GALNT8: variants seen among roughly 807,000 people sequenced by gnomAD.
The protein encoded by GALNT8 is probable polypeptide N-acetylgalactosaminyltransferase 8.
Under a neutral mutation model 62.7 loss-of-function variants are expected in GALNT8, and 66 were observed. The ratio of observed to expected loss-of-function variants is 1.05; its 90% CI spans 0.86 to 1.29. The LOEUF (loss-of-function observed/expected upper bound fraction) is 1.29. Ranked by LOEUF, GALNT8 falls within the 50% of genes most tolerant of loss-of-function variation. The probability of loss-of-function intolerance (pLI) is 0.00; values close to 1 mark genes in which losing one functional copy is unlikely to be tolerated. For synonymous variants in GALNT8, 288 were observed against 294.3 expected (o/e 0.98, Z 0.22); for missense variants, 771 against 791.8 (o/e 0.97, Z 0.32).
intron 2 of GALNT8, among the ~76,000 whole-genome samples, chr12:4,734,430 G>A (rs956008630): frequency 2.6e-5 from 4 of 152,140 alleles, no homozygotes; most frequent in East Asian, 1.9e-4. Context: ...ATTTGTGTGC[G>A]GGTATTGCTA....
At chr12:4,734,224 CAA>C (rs1162806041) in intron 2 of GALNT8, among the ~76,000 whole-genome samples, 1 of 152,148 alleles carries the variant, frequency 6.6e-6, no homozygotes, top group African/African-American at 2.4e-5. Flanking sequence ...AAGAGAAGCA[CAA>C]AAAGATCATG....
At chr12:4,750,147 A>C (rs914149441) in intron 6 of GALNT8, among the ~76,000 whole-genome samples, 4 of 151,546 alleles carry the variant, frequency 2.6e-5, no homozygotes, top group Non-Finnish European at 4.4e-5. Context: ...TTTCAATTTC[A>C]TTTATTTCTA....
At chr12:4,758,664 GAGAGAGAGAGAGAT>G (rs1946357691) in intron 6 of GALNT8, among the ~76,000 whole-genome samples, 6 of 151,512 alleles carry the variant, frequency 4.0e-5, no homozygotes, top group Admixed American at 6.6e-5. Context: ...GAGAGAGAGA[GAGAGAGAGAGAGAT>G]GATGGAAGGA....
Position 4,763,262 on chromosome 12 carries a change from A to G in GALNT8, c.1369A>G (p.Ile457Val), listed in dbSNP as rs766873811. Residue 457 changes from isoleucine to valine, a missense_variant, in exon 8 of 11, where the codon ATA becomes GTA. Ile to Val is a conservative substitution (Grantham distance 29). Transcript: ENST00000252318. ...GGCGTTTTATTTACAGAACTCTGGA[A>G]TAGATTTTGGAGACGTTTCTTCCAG... ...AWNIPLQNSG[I>V]DFGDVSSRMA... 1 of 1,612,678 alleles carries G rather than the reference A, an allele frequency of 6.2e-7. No individual in the cohort carries two copies. Among genetic ancestry groups the G allele is most frequent in the Non-Finnish European group, 8.5e-7 (1 of 1,178,708 alleles).
At chr12:4,738,193 A>C (rs1946254550) in intron 2 of GALNT8, among the ~76,000 whole-genome samples, 1 of 152,228 alleles carries the variant, frequency 6.6e-6, no homozygotes, top group Non-Finnish European at 1.5e-5. Flanking sequence ...CTCTTCAACA[A>C]ATGGGTGCTG....
chr12:4,760,411 GTA>G (rs1946366099), intron 6 of GALNT8, among the ~76,000 whole-genome samples: 1 of 152,184 alleles, frequency 6.6e-6, no homozygotes, highest in Non-Finnish European at 1.5e-5. Context: ...CTTATGCAGT[GTA>G]TTCATGATCC....
At position 4,726,685 on chromosome 12, in the gene GALNT8, C is replaced by T; in HGVS notation, c.365C>T (p.Ser122Leu). 2 of 1,614,096 alleles carry T rather than the reference C, an allele frequency of 1.2e-6. No individual in the cohort carries two copies. Among genetic ancestry groups the T allele is most frequent in the Non-Finnish European group, 1.7e-6 (2 of 1,180,014 alleles). ...ACCCAAATGAAACTCTTCCCACACTCACAGCTTTTCAGGCAATGGGGCGAG... is the reference window on the plus strand; with the variant it reads ...ACCCAAATGAAACTCTTCCCACACTTACAGCTTTTCAGGCAATGGGGCGAG... ...HKTQMKLFPH[S>L]QLFRQWGEDL... The change falls in exon 2 of 11, where the codon TCA becomes TTA. Residue 122 changes from serine to leucine, a missense_variant. By Grantham distance (145) the Ser-to-Leu change is moderately radical. Transcript: ENST00000252318. This position sits in a 1 kb window ranked among gnomAD's most constrained non-coding sequence, Gnocchi z 4.1.
At chr12:4,724,638 T>C (rs1372600754) in intron 1 of GALNT8, among the ~76,000 whole-genome samples, 1 of 152,242 alleles carries the variant, frequency 6.6e-6, no homozygotes, top group African/African-American at 2.4e-5. Context: ...CAGTATGCTC[T>C]CACTTCTTTT....
intron 2 of GALNT8, among the ~76,000 whole-genome samples, chr12:4,733,982 T>A (rs1247922531): frequency 6.6e-6 from 1 of 152,230 alleles, no homozygotes; most frequent in Non-Finnish European, 1.5e-5. Context: ...GCTCAGTGAA[T>A]GTTGCCATTG....
chr12:4,755,095 C>G (rs1006664812), intron 6 of GALNT8, among the ~76,000 whole-genome samples: 1 of 152,142 alleles, frequency 6.6e-6, no homozygotes, highest in Non-Finnish European at 1.5e-5. Context: ...CCTTAGTGGC[C>G]CCAATTGATA....
Position 4,730,866 on chromosome 12 carries a change from C to CTT in GALNT8, c.509+4052_509+4053dup, listed in dbSNP as rs1163742469. ...CTGAACCTGAGATGATTTTTCTTTT[C>CTT]TTTTTTTTTTTTTTTTGAGACGGAG... On this transcript the variant is annotated intron_variant, in intron 2 of 10. Transcript: ENST00000252318. 8.2e-4 allele frequency among the ~76,000 whole-genome samples: 112 copies of CTT among 137,274 alleles called. 2 individuals carry two copies. Among genetic ancestry groups the CTT allele is most frequent in the African/African-American group, 2.0e-3 (77 of 37,606 alleles). The allele number at this position is 137,274 out of a possible 152,430, so 90.1% of individuals were successfully genotyped here.
At chr12:4,725,635 A>G (rs1369025016) in intron 1 of GALNT8, among the ~76,000 whole-genome samples, 1 of 144,582 alleles carries the variant, frequency 6.9e-6, no homozygotes, top group Admixed American at 7.3e-5. Flanking sequence ...GGCTCACTGC[A>G]ACCTCCACCT....
chr12:4,723,168 A>G (rs1946178706), intron 1 of GALNT8, among the ~76,000 whole-genome samples: 1 of 152,182 alleles, frequency 6.6e-6, no homozygotes, highest in African/African-American at 2.4e-5. Context: ...ACTCATTTCT[A>G]TTCATACATC....
intron 7 of GALNT8, 113 bp from the exon 8 acceptor site, chr12:4,763,140 G>A: frequency 1.2e-5 from 10 of 835,252 alleles, no homozygotes; most frequent in Admixed American, 8.4e-5. Context: ...GTTGCAGTCC[G>A]TCCACAAGGA....
At position 4,745,529 on chromosome 12, in the gene GALNT8, G is replaced by A. The variant is rs141673328; in HGVS notation, c.961G>A (p.Glu321Lys). ...TGACACCTTCAAACTGGATAAGTAT[G>A]AACTGGCAGTTGATGGGTTTAACTG... is the stretch of plus-strand genomic sequence containing the variant. Reference protein sequence around the residue: ...RFDTFKLDKYELAVDGFNWEL... With the variant: ...RFDTFKLDKYKLAVDGFNWEL... Residue 321 changes from glutamate to lysine, a missense_variant, in exon 5 of 11, where the codon GAA becomes AAA. Physicochemically the swap from Glu to Lys is moderately conservative, Grantham distance 56 (BLOSUM62 1). Coordinates refer to ENST00000252318, the MANE Select transcript of GALNT8 (RefSeq NM_017417.2). 1.9e-6 allele frequency: 3 copies of A among 1,612,852 alleles called. No individual in the cohort carries two copies. Among genetic ancestry groups the A allele is most frequent in the African/African-American group, 2.7e-5 (2 of 74,908 alleles).
chr12:4,756,438 A>G (rs1479437100), intron 6 of GALNT8, among the ~76,000 whole-genome samples: 1 of 152,228 alleles, frequency 6.6e-6, no homozygotes, highest in Non-Finnish European at 1.5e-5. Flanking sequence ...CATATGGTTT[A>G]CACTCAATAA....
intron 7 of GALNT8, among the ~76,000 whole-genome samples, chr12:4,761,998 C>A (rs1018822606): frequency 6.6e-6 from 1 of 152,226 alleles, no homozygotes; most frequent in Non-Finnish European, 1.5e-5. Context: ...GCCAGGTTAA[C>A]ACTGGGATCA....
chr12:4,764,704 CG>C (rs886325316), intron 9 of GALNT8, among the ~76,000 whole-genome samples: 3 of 150,612 alleles, frequency 2.0e-5, no homozygotes, highest in Non-Finnish European at 4.4e-5. Context: ...CCACCATGCC[CG>C]GCTAATTTTT....
intron 10 of GALNT8, among the ~76,000 whole-genome samples, chr12:4,768,902 A>G (rs963936173): frequency 2.0e-5 from 3 of 152,266 alleles, no homozygotes; most frequent in Middle Eastern, 6.8e-3. Flanking sequence ...ATTTTCCAAA[A>G]TTGAGAGGGA....
Sources: allele counts gnomAD v4.1 joint callset (sites outside exome capture counted in the v4.1 genomes callset), GRCh38; gene constraint gnomAD v4.1.1; non-coding constraint Gnocchi (gnomAD v3.1); transcripts MANE v1.5; gene names NCBI Gene and HGNC (gene_info 2026-07-23, HGNC 2026-07-21).